The following ACO2 variants were observed in gnomAD, a reference collection of about 807,000 sequenced individuals.
ACO2 encodes the protein aconitase 2.
Under a neutral mutation model 84.5 loss-of-function variants are expected in ACO2, and 31 were observed. That is an observed-to-expected ratio of 0.37 (90% CI 0.28 to 0.50). ACO2 has a LOEUF of 0.50. Among genes scored for constraint, ACO2 ranks in the 20% least tolerant of loss-of-function variants. ACO2 has a pLI of 0.97. For synonymous variants in ACO2, 414 were observed against 412.7 expected (o/e 1.00, Z -0.04); for missense variants, 685 against 1,029.3 (o/e 0.67, Z 4.58).
chr22:41,526,009 T>G, intron 14 of ACO2: 1 of 419,378 alleles, frequency 2.4e-6, no homozygotes, highest in Non-Finnish European at 4.3e-6. Context: ...TGTCCCAACT[T>G]TGGGCGGCCT....
chr22:41,500,677 G>T (rs1434144116), intron 2 of ACO2, among the ~76,000 whole-genome samples: 2 of 151,734 alleles, frequency 1.3e-5, no homozygotes, highest in Non-Finnish European at 2.9e-5. Flanking sequence ...AAGCCACTGC[G>T]CCTGGCCTAT....
chr22:41,479,541 T>C (rs1476919295), intron 1 of ACO2, among the ~76,000 whole-genome samples: 4 of 152,028 alleles, frequency 2.6e-5, no homozygotes, highest in Non-Finnish European at 5.9e-5. Context: ...CCAGAGGGAG[T>C]AGAAACTGAT....
chr22:41,527,744 T>C, intron 16 of ACO2, 157 bp from the exon 17 acceptor site: 3 of 1,240,726 alleles, frequency 2.4e-6, no homozygotes, highest in African/African-American at 1.5e-5. Flanking sequence ...GGGGCACCCC[T>C]AGTGAAAGGG....
intron 9 of ACO2, 93 bp downstream of exon 9, chr22:41,520,369 C>A: frequency 1.0e-6 from 1 of 976,582 alleles, no homozygotes. Context: ...CTGTGTGGCA[C>A]TTTCTAAGGT....
intron 1 of ACO2, among the ~76,000 whole-genome samples, chr22:41,493,358 TA>T (rs943807408): frequency 2.2e-4 from 33 of 149,254 alleles, no homozygotes; most frequent in South Asian, 1.0e-3. Context: ...AGAATGAAAT[TA>T]AAAAAAAAAA....
chr22:41,480,477 T>A (rs2038073773), intron 1 of ACO2, among the ~76,000 whole-genome samples: 3 of 152,094 alleles, frequency 2.0e-5, no homozygotes, highest in African/African-American at 7.2e-5. Context: ...GGGGCTCTGG[T>A]CTTTGGTGGC....
intron 1 of ACO2, among the ~76,000 whole-genome samples, chr22:41,486,292 C>T (rs973778409): frequency 9.9e-5 from 15 of 151,956 alleles, no homozygotes; most frequent in African/African-American, 3.6e-4. Flanking sequence ...AAGCTACTGT[C>T]AACCTCTTCT....
In ACO2 at chr22:41,515,544, G is replaced by T; in HGVS notation, c.684+9G>T. On this transcript the variant is annotated intron_variant, in intron 5 of 17. Transcript: ENST00000216254. The surrounding 1 kb of genome is among the most constrained non-coding windows in gnomAD (Gnocchi z 5.8). ...AGCTGAAGTGCCCCAAGGTGAGGGT[G>T]GGGAGGGACTCATTCTGGGCTGGCT... 2 of 1,604,292 alleles carry T rather than the reference G, an allele frequency of 1.2e-6. No homozygotes were observed. The highest frequency in any genetic ancestry group is 1.7e-6 in the Non-Finnish European group (2 of 1,174,890).
chr22:41,523,929 C>T lies in ACO2; in HGVS notation c.1470C>T (p.Val490=), dbSNP rs779604167. ...NDANPETHAF[V]TSPEIVTALA... is the part of the protein sequence containing the mutation. ...CAAACCCCGAGACCCATGCCTTTGT[C>T]ACGTCCCCAGAGGTGAGACTGCCCA... Residue 490 remains valine (V), a synonymous_variant, in exon 12 of 18, where the codon GTC becomes GTT. Coordinates refer to ENST00000216254, the MANE Select transcript of ACO2 (RefSeq NM_001098.3). 5.6e-6 allele frequency: 9 copies of T among 1,613,204 alleles called. No individual in the cohort carries two copies. In the South Asian group the frequency reaches 7.7e-5, roughly 14 times the overall value.
At chr22:41,478,642 C>T (rs1414952425) in intron 1 of ACO2, among the ~76,000 whole-genome samples, 1 of 152,158 alleles carries the variant, frequency 6.6e-6, no homozygotes, top group South Asian at 2.1e-4. Flanking sequence ...TTCTGCTTTC[C>T]CCCTGGAGAG....
intron 4 of ACO2, among the ~76,000 whole-genome samples, chr22:41,512,574 T>C (rs2146120968): frequency 6.6e-6 from 1 of 152,340 alleles, no homozygotes; most frequent in South Asian, 2.1e-4. Flanking sequence ...CGTGCTGCTC[T>C]GCCGCCTCCC....
chr22:41,525,703 ACACAGGCTCTG>A, intron 14 of ACO2: 1 of 279,296 alleles, frequency 3.6e-6, no homozygotes, highest in Middle Eastern at 1.1e-3. Flanking sequence ...TGGCACGTCC[ACACAGGCTCTG>A]GAAGCCATGG....
chr22:41,515,342 G>A lies in ACO2; in HGVS notation c.526-35G>A. On this transcript the variant is annotated intron_variant, in intron 4 of 17. Coordinates refer to ENST00000216254, the MANE Select transcript of ACO2 (RefSeq NM_001098.3). The surrounding 1 kb of genome is among the most constrained non-coding windows in gnomAD (Gnocchi z 5.8). ...CCATTTTTTGGTATTCTCGGCTGAG[G>A]GCTTCTAAATATAACATCTTGGATT... is the stretch of plus-strand genomic sequence containing the variant. The A allele has an allele frequency of 6.2e-7, 1 of 1,611,706 alleles. No individual in the cohort carries two copies. Among genetic ancestry groups the A allele is most frequent in the Non-Finnish European group, 8.5e-7 (1 of 1,179,744 alleles).
intron 8 of ACO2, among the ~76,000 whole-genome samples, chr22:41,519,435 C>T (rs2066503332): frequency 2.6e-5 from 4 of 152,176 alleles, no homozygotes; most frequent in Admixed American, 2.6e-4. Flanking sequence ...CTGCATGCTG[C>T]GCACATAGCT....
intron 3 of ACO2, among the ~76,000 whole-genome samples, chr22:41,508,354 A>C (rs1388575087): frequency 6.6e-6 from 1 of 152,216 alleles, no homozygotes; most frequent in Admixed American, 6.5e-5. Flanking sequence ...GGGGCCATGC[A>C]GGCCTCCCTG....
At position 41,522,860 on chromosome 22, in the gene ACO2, A is replaced by T. The variant is rs1163341482; in HGVS notation, c.1169A>T (p.Tyr390Phe). 5 of 1,614,108 alleles carry T rather than the reference A, an allele frequency of 3.1e-6. No individual in the cohort carries two copies. The Admixed American group carries it at 8.3e-5, about 27-fold the overall frequency. The change falls in exon 10 of 18, where the codon TAT (tyrosine) becomes TTT (phenylalanine). Residue 390 changes from tyrosine (Y) to phenylalanine (F), a missense_variant. Transcript: ENST00000216254. ...ATTGGTAGCTGCACCAATTCAAGCT[A>T]TGAAGATATGGGGCGCTCAGCAGCT... The part of the protein sequence containing the change: ...GLIGSCTNSS[Y>F]EDMGRSAAVA...
rs1041027606 is a variant in ACO2 at position 41,521,778 on chromosome 22, C to CT, written c.1139-1038dup. Among the ~76,000 whole-genome samples, 617 of 143,152 alleles carry CT rather than the reference C, an allele frequency of 4.3e-3. 1 individual carries two copies. Among genetic ancestry groups the CT allele is most frequent in the South Asian group, 8.4e-3 (38 of 4,514 alleles). 93.9% of individuals were successfully genotyped at this position (143,152 alleles called of 152,430 possible). ...TGGGCTTTTGCCAGTAATCCCAACC[C>CT]TTTTTTTTTTTTTTGAGACAGAGTC... On this transcript the variant is annotated intron_variant, in intron 9 of 17. Coordinates refer to ENST00000216254, the MANE Select transcript of ACO2 (RefSeq NM_001098.3).
At chr22:41,528,415 C>T in intron 17 of ACO2, 64 bp from the exon 18 acceptor site, 1 of 1,583,982 alleles carries the variant, frequency 6.3e-7, no homozygotes, top group South Asian at 1.2e-5. Flanking sequence ...CTCCCTGACC[C>T]CCCTGCGGGG....
intron 16 of ACO2, chr22:41,527,624 C>A: frequency 3.6e-6 from 3 of 835,272 alleles, no homozygotes; most frequent in Non-Finnish European, 5.4e-6. Context: ...TGCTTCCAGG[C>A]TTGTAGATCT....
Sources: gnomAD v4.1 joint callset for allele counts (sites outside exome capture counted in the v4.1 genomes callset) on GRCh38, gnomAD v4.1.1 for gene constraint, Gnocchi (gnomAD v3.1) non-coding constraint, MANE v1.5 for transcripts, NCBI Gene and HGNC (gene_info 2026-07-23, HGNC 2026-07-21) for gene names.